Variants in SLC8B1 observed in about 807,000 individuals in gnomAD.
SLC8B1 encodes the protein solute carrier family 8 member B1.
A neutral mutation model predicts 63.4 loss-of-function variants in SLC8B1; 52 were observed. That is an observed-to-expected ratio of 0.82 (90% CI 0.66 to 1.03). The LOEUF is 1.03. SLC8B1 is among the 50% of genes least tolerant of loss of function. The pLI is 0.00. For missense variants in SLC8B1, 657 were observed against 741.7 expected (o/e 0.89, Z 1.33); for synonymous variants, 336 against 323.9 (o/e 1.04, Z -0.40).
At chr12:113,323,417 C>T (rs1240478251) in intron 2 of SLC8B1, among the ~76,000 whole-genome samples, 1 of 151,976 alleles carries the variant, frequency 6.6e-6, no homozygotes, top group Non-Finnish European at 1.5e-5. Flanking sequence ...CATTGTTAAA[C>T]TGCAAGTCTG....
At position 113,307,849 on chromosome 12, in the gene SLC8B1, G is replaced by A. The variant is rs370268120; in HGVS notation, c.1258-5C>T. The A allele has an allele frequency of 2.7e-4, 437 of 1,610,806 alleles. 1 individual carries two copies. The highest frequency in any genetic ancestry group is 3.6e-4 in the Non-Finnish European group (421 of 1,179,810). The stretch of plus-strand genomic sequence containing the variant: ...AAAGCCCAGGAAAGCAAAGAGCTGC[G>A]GAGGGAATGGTTTGCTGTGGGACCA... On this transcript the variant is annotated splice_polypyrimidine_tract_variant and splice_region_variant and intron_variant, in intron 12 of 15. Coordinates refer to ENST00000680972, the MANE Select transcript of SLC8B1 (RefSeq NM_001358345.2).
chr12:113,326,812 G>A (rs1957002253), intron 2 of SLC8B1, among the ~76,000 whole-genome samples: 1 of 151,826 alleles, frequency 6.6e-6, no homozygotes, highest in South Asian at 2.1e-4. Flanking sequence ...CAAGTGGCTG[G>A]AGCTACAAAT....
At chr12:113,314,801 C>A (rs1481365075) in intron 11 of SLC8B1, among the ~76,000 whole-genome samples, 1 of 152,210 alleles carries the variant, frequency 6.6e-6, no homozygotes, top group Non-Finnish European at 1.5e-5. Context: ...AGCTAGAGGG[C>A]TGGATTTGGC....
Position 113,307,734 on chromosome 12 carries a change from A to G in SLC8B1, c.1368T>C (p.Thr456=), listed in dbSNP as rs779174431. ...SLGVVFRLSN[T]VLGLTLLAWG... is the part of the protein sequence containing the mutation. ...AGGCCAGCAGCGTGAGCCCCAGCACAGTGTTGCTCAGCCGGAAGACCACAC... is the reference window on the plus strand; with the variant it reads ...AGGCCAGCAGCGTGAGCCCCAGCACGGTGTTGCTCAGCCGGAAGACCACAC... Residue 456 remains threonine, a synonymous_variant, in exon 13 of 16, where the codon ACT becomes ACC. Coordinates refer to ENST00000680972, the MANE Select transcript of SLC8B1 (RefSeq NM_001358345.2). The G allele has an allele frequency of 7.9e-5, 128 of 1,613,946 alleles. 1 individual carries two copies. In the South Asian group the frequency reaches 1.2e-3, roughly 15 times the overall value.
At chr12:113,316,495 G>C in intron 10 of SLC8B1, 31 bp downstream of exon 10, 1 of 1,607,908 alleles carries the variant, frequency 6.2e-7, no homozygotes, top group Non-Finnish European at 8.5e-7. Context: ...GCTGTCAGAA[G>C]GCTGTGAGCC....
At chr12:113,316,743 C>T (rs771158950) in intron 9 of SLC8B1, 87 bp from the exon 10 acceptor site, 26 of 1,567,966 alleles carry the variant, frequency 1.7e-5, no homozygotes, top group Non-Finnish European at 2.2e-5. Context: ...CCAGTCCTCC[C>T]AGCCCTAAAG....
chr12:113,319,947 C>T (rs1956897815), intron 7 of SLC8B1: 1 of 195,568 alleles, frequency 5.1e-6, no homozygotes, highest in Non-Finnish European at 1.1e-5. Flanking sequence ...GCACCACCAC[C>T]ATGCCCAGCT....
intron 11 of SLC8B1, among the ~76,000 whole-genome samples, chr12:113,313,455 T>C (rs1956789985): frequency 6.6e-6 from 1 of 151,900 alleles, no homozygotes; most frequent in African/African-American, 2.4e-5. Context: ...AAATATCAAA[T>C]GTGGCCAGGC....
intron 8 of SLC8B1, 63 bp downstream of exon 8, chr12:113,318,901 C>G (rs2288364): frequency 0.15 from 198,213 of 1,343,754 alleles, 17,736 homozygotes; most frequent in African/African-American, 0.4. Context: ...CTGGGCAGCA[C>G]TGAAGGGCAC....
intron 13 of SLC8B1, 96 bp downstream of exon 13, chr12:113,307,594 TG>T: frequency 1.4e-6 from 2 of 1,449,184 alleles, no homozygotes; most frequent in Non-Finnish European, 1.9e-6. Context: ...GCAGACACCC[TG>T]GACACTCCTG....
intron 15 of SLC8B1, among the ~76,000 whole-genome samples, chr12:113,303,055 CACACACACACACACGT>C (rs1467123541): frequency 8.1e-6 from 1 of 123,234 alleles, no homozygotes; most frequent in Non-Finnish European, 1.7e-5. Flanking sequence ...AGGTGGTAGA[CACACACACACACACGT>C]ACACACACAC....
At chr12:113,316,007 G>A (rs1378183644) in intron 10 of SLC8B1, among the ~76,000 whole-genome samples, 4 of 152,154 alleles carry the variant, frequency 2.6e-5, no homozygotes, top group Non-Finnish European at 4.4e-5. Flanking sequence ...GGCGGATCAC[G>A]AGGTCAGGAG....
At chr12:113,333,021 G>C (rs1423470859) in intron 1 of SLC8B1, 61 bp from the exon 2 acceptor site, 1 of 1,024,144 alleles carries the variant, frequency 9.8e-7, no homozygotes, top group Admixed American at 2.8e-5. Flanking sequence ...CACAGCAAAA[G>C]GGGCTGGAAG....
chr12:113,316,714 C>A, intron 9 of SLC8B1, 58 bp from the exon 10 acceptor site: 3 of 1,597,406 alleles, frequency 1.9e-6, no homozygotes, highest in African/African-American at 1.3e-5. Flanking sequence ...CTCCAGGAAA[C>A]CTTCCCCGCT....
intron 14 of SLC8B1, 127 bp from the exon 15 acceptor site, chr12:113,304,512 G>A (rs1258812577): frequency 2.5e-5 from 20 of 784,402 alleles, no homozygotes; most frequent in African/African-American, 8.6e-5. Context: ...TGGGCCAGGC[G>A]CAGTGGCTCA....
At chr12:113,312,769 C>G (rs969318509) in intron 11 of SLC8B1, among the ~76,000 whole-genome samples, 21 of 152,322 alleles carry the variant, frequency 1.4e-4, no homozygotes, top group Admixed American at 9.2e-4. Context: ...TTCTTCAGTT[C>G]TATCATTGTA....
intron 2 of SLC8B1, among the ~76,000 whole-genome samples, chr12:113,322,191 A>T (rs1029228333): frequency 2.6e-5 from 4 of 152,156 alleles, no homozygotes; most frequent in African/African-American, 4.8e-5. Context: ...AAAAAAAAAA[A>T]ATATGTATCT....
At chr12:113,312,446 A>G (rs560759423) in intron 11 of SLC8B1, among the ~76,000 whole-genome samples, 28 of 152,224 alleles carry the variant, frequency 1.8e-4, no homozygotes, top group African/African-American at 6.7e-4. Context: ...GGAGCCATGG[A>G]GGTCTTTGAG....
intron 1 of SLC8B1, among the ~76,000 whole-genome samples, chr12:113,333,655 C>G (rs762769004): frequency 6.6e-6 from 1 of 151,924 alleles, no homozygotes; most frequent in Non-Finnish European, 1.5e-5. Flanking sequence ...GTCACCCCCC[C>G]GCCCCCCACC....
Sources: allele counts gnomAD v4.1 joint callset (sites outside exome capture counted in the v4.1 genomes callset), GRCh38; gene constraint gnomAD v4.1.1; transcripts MANE v1.5; gene names NCBI Gene and HGNC (gene_info 2026-07-23, HGNC 2026-07-21).